Variants in SAMD3 observed in about 807,000 individuals in gnomAD.
SAMD3 encodes the protein sterile alpha motif domain-containing protein 3.
A neutral mutation model predicts 58.5 loss-of-function variants in SAMD3; 63 were observed. The observed-to-expected ratio is 1.08, with a 90% CI of 0.88 to 1.33. The LOEUF (loss-of-function observed/expected upper bound fraction) is 1.33, where lower values mean the gene tolerates loss of function less well. SAMD3 is among the 40% of genes most tolerant of loss of function. SAMD3 has a pLI of 0.00. For synonymous variants in SAMD3, 220 were observed against 210.3 expected (o/e 1.05, Z -0.40); for missense variants, 604 against 608.4 (o/e 0.99, Z 0.08).
At chr6:130,152,630 T>C (rs1789318388) in intron 9 of SAMD3, among the ~76,000 whole-genome samples, 1 of 152,094 alleles carries the variant, frequency 6.6e-6, no homozygotes. Flanking sequence ...TGAGCCAAGA[T>C]TGTGCCACTG....
At chr6:130,194,886 G>A (rs956700617) in intron 5 of SAMD3, among the ~76,000 whole-genome samples, 2 of 152,246 alleles carry the variant, frequency 1.3e-5, no homozygotes, top group African/African-American at 2.4e-5. Context: ...TCACAGTGGA[G>A]GGTAAGTCTG....
intron 5 of SAMD3, among the ~76,000 whole-genome samples, chr6:130,205,256 T>C (rs1359443823): frequency 2.0e-5 from 3 of 151,974 alleles, no homozygotes; most frequent in Non-Finnish European, 4.4e-5. Context: ...GTATTCAGTC[T>C]TTCATTGGCT....
rs141982100 is a variant in SAMD3, at chr6:130,275,614, C to A, written c.-188+37364G>T. Among the ~76,000 whole-genome samples, 1,074 of 151,870 alleles carry A rather than the reference C, an allele frequency of 7.1e-3. 11 individuals carry two copies. The highest frequency in any genetic ancestry group is 0.017 in the Middle Eastern group (5 of 294). ...TTTGAGTTTATTAATTTACCAATAC[C>A]TCCCTCAACTAATGATATGGGAGAA... On this transcript the variant is annotated intron_variant, in intron 2 of 13. Coordinates refer to the SAMD3 transcript ENST00000368134.
intron 1 of SAMD3, among the ~76,000 whole-genome samples, chr6:130,359,792 C>T (rs1022071452): frequency 2.0e-5 from 3 of 152,196 alleles, no homozygotes; most frequent in African/African-American, 7.2e-5. Flanking sequence ...CACATTTTAT[C>T]ACAAGGCTGT....
At chr6:130,351,325 C>T (rs754119087) in intron 1 of SAMD3, among the ~76,000 whole-genome samples, 3 of 152,128 alleles carry the variant, frequency 2.0e-5, no homozygotes, top group Non-Finnish European at 1.5e-5. Context: ...GCAATCTACT[C>T]GTCTGACAAA....
chr6:130,334,350 C>CAAGGAAAA (rs2115016175), intron 1 of SAMD3, among the ~76,000 whole-genome samples: 1 of 152,078 alleles, frequency 6.6e-6, no homozygotes, highest in South Asian at 2.1e-4. Context: ...AGGAAAAAAA[C>CAAGGAAAA]AAACAAAAAA....
intron 5 of SAMD3, among the ~76,000 whole-genome samples, chr6:130,197,421 A>T (rs1343395365): frequency 2.0e-5 from 3 of 152,238 alleles, no homozygotes; most frequent in African/African-American, 7.2e-5. Context: ...CTCTTGAAGT[A>T]AATAATCTTT....
intron 1 of SAMD3, among the ~76,000 whole-genome samples, chr6:130,319,160 A>T (rs1776497339): frequency 6.6e-6 from 1 of 152,144 alleles, no homozygotes; most frequent in Admixed American, 6.5e-5. Flanking sequence ...AGGCAACTTC[A>T]AGCAAACTAA....
intron 7 of SAMD3, among the ~76,000 whole-genome samples, chr6:130,176,947 G>A (rs569755474): frequency 2.0e-5 from 3 of 152,202 alleles, no homozygotes; most frequent in Admixed American, 6.5e-5. Context: ...AATCATCAAC[G>A]GCCATGGTCA....
At chr6:130,365,530 C>T (rs1778113917), upstream of SAMD3, 1 of 985,262 alleles carries the variant, frequency 1.0e-6, no homozygotes, top group African/African-American at 1.7e-5. Flanking sequence ...GGCGTGGAGC[C>T]AGGGTCCTGC....
intron 1 of SAMD3, among the ~76,000 whole-genome samples, chr6:130,333,451 A>C (rs1777004906): frequency 6.6e-6 from 1 of 152,144 alleles, no homozygotes; most frequent in Non-Finnish European, 1.5e-5. Context: ...ATTGTAACTT[A>C]AGTATGAACT....
chr6:130,151,936 A>G (rs1475879616), intron 9 of SAMD3, among the ~76,000 whole-genome samples: 1 of 152,214 alleles, frequency 6.6e-6, no homozygotes, highest in Non-Finnish European at 1.5e-5. Flanking sequence ...CTTGTGCAAC[A>G]TCCAGTAGAT....
chr6:130,292,301 G>A (rs6910513), intron 2 of SAMD3, among the ~76,000 whole-genome samples: 1,854 of 128,762 alleles, frequency 0.014, 44 homozygotes, highest in African/African-American at 0.051. Context: ...ACGGAGTCTC[G>A]CTCTTGTCAC....
chr6:130,156,627 T>C (rs958955068), intron 8 of SAMD3, among the ~76,000 whole-genome samples: 2 of 152,150 alleles, frequency 1.3e-5, no homozygotes, highest in African/African-American at 4.8e-5. Flanking sequence ...GCCACTGTTA[T>C]AGAAAGATTC....
chr6:130,278,147 CAGAT>C (rs1393638532), intron 2 of SAMD3, among the ~76,000 whole-genome samples: 2 of 152,174 alleles, frequency 1.3e-5, no homozygotes, highest in East Asian at 3.9e-4. Flanking sequence ...TGGCACCACT[CAGAT>C]TGATAAACTG....
upstream of SAMD3, among the ~76,000 whole-genome samples, chr6:130,227,329 C>T (rs1796408702): frequency 6.6e-6 from 1 of 152,046 alleles, no homozygotes; most frequent in Non-Finnish European, 1.5e-5. Context: ...AGTAATATTC[C>T]ATTTGATGTA....
intron 2 of SAMD3, among the ~76,000 whole-genome samples, chr6:130,264,337 G>A (rs1774257972): frequency 6.6e-6 from 1 of 152,204 alleles, no homozygotes; most frequent in Non-Finnish European, 1.5e-5. Flanking sequence ...TCTCATGACA[G>A]GGAGGAAATA....
intron 2 of SAMD3, among the ~76,000 whole-genome samples, chr6:130,240,210 T>A (rs1562475658): frequency 6.6e-6 from 1 of 150,864 alleles, no homozygotes; most frequent in African/African-American, 2.5e-5. Context: ...TCTTCTCACA[T>A]ACAACATTTT....
intron 9 of SAMD3, 47 bp downstream of exon 9, chr6:130,154,778 G>GTA (rs1789622582): frequency 1.1e-6 from 1 of 873,374 alleles, no homozygotes; most frequent in African/African-American, 1.8e-5. Flanking sequence ...GTGTGTGTGT[G>GTA]TATATACATA....
Sources: gnomAD v4.1 joint callset for allele counts (sites outside exome capture counted in the v4.1 genomes callset) on GRCh38, gnomAD v4.1.1 for gene constraint, MANE v1.5 for transcripts, NCBI Gene and HGNC (gene_info 2026-07-23, HGNC 2026-07-21) for gene names.